Variants in FERMT3 observed in about 807,000 individuals in gnomAD.
FERMT3 encodes the protein fermitin family homolog 3.
Under a neutral mutation model 80.8 loss-of-function variants are expected in FERMT3, and 33 were observed. The ratio of observed to expected loss-of-function variants is 0.41; its 90% CI spans 0.31 to 0.55. The LOEUF (loss-of-function observed/expected upper bound fraction) is 0.55. Ranked by LOEUF, FERMT3 falls within the 20% of genes least tolerant of loss-of-function variation. The pLI, the probability that FERMT3 is intolerant of heterozygous loss-of-function variation, is 0.31. For synonymous variants in FERMT3, 375 were observed against 372.2 expected (o/e 1.01, Z -0.09); for missense variants, 754 against 908.7 (o/e 0.83, Z 2.19).
At chr11:64,220,833 C>G in intron 12 of FERMT3, 164 bp downstream of exon 12, 2 of 1,312,690 alleles carry the variant, frequency 1.5e-6, no homozygotes, top group Non-Finnish European at 2.1e-6. Context: ...GGAGGAGTCA[C>G]GGTCCAGGTG....
At chr11:64,212,643 C>G (rs1231350158) in intron 6 of FERMT3, among the ~76,000 whole-genome samples, 1 of 152,054 alleles carries the variant, frequency 6.6e-6, no homozygotes, top group East Asian at 1.9e-4. Context: ...CTCCTGTACA[C>G]TTGCTTGGGG....
chr11:64,207,511 T>C lies in FERMT3; in HGVS notation c.147T>C (p.Ile49=). 6.2e-7 allele frequency: 1 copy of C among 1,611,214 alleles called. No homozygotes were observed. Among genetic ancestry groups the C allele is most frequent in the Non-Finnish European group, 8.5e-7 (1 of 1,178,260 alleles). The change falls in exon 2 of 15, where the codon ATT becomes ATC. Residue 49 remains isoleucine, a synonymous_variant. Coordinates refer to ENST00000345728, the MANE Select transcript of FERMT3 (RefSeq NM_031471.6). The part of the protein sequence containing the change: ...ESHIGGVLLK[I]VEQINRKQDW... ...ACATCGGCGGGGTGCTCCTGAAGAT[T>C]GTGGAGCAGATCAGTGAGTGTCCGC...
Position 64,219,819 on chromosome 11 carries a change from G to T in FERMT3, c.1079+30G>T. ...GTTGGGGGCCAGAGTAGGCAGCCCT[G>T]CTGGAGGGGTTGGTCTGCATATGGA... On this transcript the variant is annotated intron_variant, in intron 9 of 14. Coordinates refer to ENST00000345728, the MANE Select transcript of FERMT3 (RefSeq NM_031471.6). The surrounding 1 kb of genome is among the most constrained non-coding windows in gnomAD (Gnocchi z 4.0). 6.2e-7 allele frequency: 1 copy of T among 1,614,044 alleles called. No homozygotes were observed. Among genetic ancestry groups the T allele is most frequent in the Non-Finnish European group, 8.5e-7 (1 of 1,180,026 alleles).
intron 6 of FERMT3, among the ~76,000 whole-genome samples, chr11:64,212,338 C>T (rs1946460733): frequency 6.6e-6 from 1 of 152,262 alleles, no homozygotes; most frequent in Admixed American, 6.5e-5. Context: ...GTAGGCCCCA[C>T]CTCTCTGCCC....
At chr11:64,217,306 T>G (rs939691658) in intron 6 of FERMT3, among the ~76,000 whole-genome samples, 2 of 152,182 alleles carry the variant, frequency 1.3e-5, no homozygotes, top group Non-Finnish European at 2.9e-5. Context: ...TCCCAGCACT[T>G]TGGGAGGCCA....
chr11:64,220,786 G>A, intron 12 of FERMT3, 117 bp downstream of exon 12: 1 of 1,272,368 alleles, frequency 7.9e-7, no homozygotes. Context: ...TTCTCCCACT[G>A]TGTCCCTGAG....
intron 2 of FERMT3, among the ~76,000 whole-genome samples, chr11:64,209,705 G>A (rs781116734): frequency 1.4e-4 from 22 of 152,308 alleles, no homozygotes; most frequent in Non-Finnish European, 2.6e-4. Flanking sequence ...ATGTGCAGCA[G>A]TGGGGTTGGG....
At chr11:64,221,812 AGC>A (rs1176071402) in intron 13 of FERMT3, among the ~76,000 whole-genome samples, 53 of 152,118 alleles carry the variant, frequency 3.5e-4, no homozygotes, top group African/African-American at 1.3e-3. Flanking sequence ...CTGTAGTCCC[AGC>A]TACTCAGGAG....
chr11:64,212,501 G>A (rs1946464251), intron 6 of FERMT3, among the ~76,000 whole-genome samples: 1 of 152,184 alleles, frequency 6.6e-6, no homozygotes, highest in Non-Finnish European at 1.5e-5. Context: ...CGTGAGAAGT[G>A]CACCTGCTGA....
chr11:64,219,618 T>C lies in FERMT3; in HGVS notation c.989T>C (p.Leu330Pro), dbSNP rs1350694647. ...LDDLDVALSNLEVKLEGSAPT... is the reference protein window; with the variant it reads ...LDDLDVALSNPEVKLEGSAPT... The stretch of plus-strand genomic sequence containing the variant: ...GACCTGGATGTGGCCCTGAGCAACC[T>C]GGAGGTGAAGCTGGAGGGGTCGGCG... The change falls in exon 8 of 15, where the codon CTG becomes CCG. Residue 330 changes from leucine to proline, a missense_variant. Coordinates refer to ENST00000345728, the MANE Select transcript of FERMT3 (RefSeq NM_031471.6). This position sits in a 1 kb window ranked among gnomAD's most constrained non-coding sequence, Gnocchi z 4.0. The C allele has an allele frequency of 6.2e-7, 1 of 1,612,900 alleles. No homozygotes were observed. The highest frequency in any genetic ancestry group is 8.5e-7 in the Non-Finnish European group (1 of 1,179,926).
Position 64,211,235 on chromosome 11 carries a change from C to G in FERMT3, c.515-40C>G, listed in dbSNP as rs1391634855. ...AGGGGCCGGCCCGTGAGTCCCAGCC[C>G]TGGGGGACAGGCCTGGTTGACTCCC... On this transcript the variant is annotated intron_variant, in intron 4 of 14. Transcript: ENST00000345728. The surrounding 1 kb of genome is among the most constrained non-coding windows in gnomAD (Gnocchi z 4.7). 6.2e-7 allele frequency: 1 copy of G among 1,611,526 alleles called. No homozygotes were observed. Among genetic ancestry groups the G allele is most frequent in the Admixed American group, 1.7e-5 (1 of 59,886 alleles).
intron 1 of FERMT3, 47 bp from the exon 2 acceptor site, chr11:64,207,304 G>A: frequency 6.2e-7 from 1 of 1,612,218 alleles, no homozygotes; most frequent in Non-Finnish European, 8.5e-7. Flanking sequence ...CAAACCCGGA[G>A]GCCTACCAGG....
rs756847936 is a variant in FERMT3, at chr11:64,220,210, C to T, written c.1205-10C>T. The T allele has an allele frequency of 1.2e-6, 2 of 1,613,504 alleles. No individual in the cohort carries two copies. Among genetic ancestry groups the T allele is most frequent in the Middle Eastern group, 1.6e-4 (1 of 6,062 alleles). ...CCCGACCTCCTAGACCACCCCTTCT[C>T]TCCCTCCAGGCTGTGAGGTGGTTCC... On this transcript the variant is annotated splice_polypyrimidine_tract_variant and intron_variant, in intron 10 of 14. Coordinates refer to ENST00000345728, the MANE Select transcript of FERMT3 (RefSeq NM_031471.6).
At chr11:64,220,775 C>G in intron 12 of FERMT3, 106 bp downstream of exon 12, 2 of 1,282,396 alleles carry the variant, frequency 1.6e-6, no homozygotes, top group Admixed American at 2.0e-5. Context: ...ACTCACTGGG[C>G]TTCTCCCACT....
rs2134884288 is a variant in FERMT3 at position 64,220,213 on chromosome 11, C to T, written c.1205-7C>T. The T allele has an allele frequency of 6.2e-7, 1 of 1,613,448 alleles. No individual in the cohort carries two copies. Among genetic ancestry groups the T allele is most frequent in the African/African-American group, 1.3e-5 (1 of 75,054 alleles). On this transcript the variant is annotated splice_polypyrimidine_tract_variant and splice_region_variant and intron_variant, in intron 10 of 14. Coordinates refer to ENST00000345728, the MANE Select transcript of FERMT3 (RefSeq NM_031471.6). ...GACCTCCTAGACCACCCCTTCTCTC[C>T]CTCCAGGCTGTGAGGTGGTTCCCGA...
At position 64,223,891 on chromosome 11, in the gene FERMT3, C is replaced by T. The variant is rs376245317; in HGVS notation, c.*399C>T. 167 of 1,605,286 alleles carry T rather than the reference C, an allele frequency of 1.0e-4. No individual in the cohort carries two copies. The highest frequency in any genetic ancestry group is 7.4e-5 in the Non-Finnish European group (87 of 1,175,218). ...AATTAATATTTTATTGTTGGATCCT[C>T]CTCCTTTCTCTGGAGCTGTGCTTGG... is the stretch of plus-strand genomic sequence containing the variant. On this transcript the variant is annotated 3_prime_UTR_variant, in exon 15 of 15. Transcript: ENST00000345728.
At chr11:64,218,107 C>G (rs192192919) in intron 6 of FERMT3, among the ~76,000 whole-genome samples, 4 of 151,778 alleles carry the variant, frequency 2.6e-5, no homozygotes, top group African/African-American at 9.7e-5. Context: ...GGGTTCACGC[C>G]GTTCTCCTGC....
rs1946785826 is a variant in FERMT3 at position 64,223,832 on chromosome 11, C to G, written c.*340C>G. On this transcript the variant is annotated 3_prime_UTR_variant, in exon 15 of 15. Coordinates refer to ENST00000345728, the MANE Select transcript of FERMT3 (RefSeq NM_031471.6). ...GATGAAACATGGTTTCAAACGAGTTCTTTCTTGTTACTTTTTAAAATTTCT... is the reference window on the plus strand; with the variant it reads ...GATGAAACATGGTTTCAAACGAGTTGTTTCTTGTTACTTTTTAAAATTTCT... 5 of 1,352,536 alleles carry G rather than the reference C, an allele frequency of 3.7e-6. No homozygotes were observed. In the East Asian group the frequency reaches 1.3e-4, roughly 34 times the overall value. 83.8% of individuals were successfully genotyped at this position (1,352,536 alleles called of 1,614,324 possible).
In FERMT3 at chr11:64,211,435, C is replaced by T; in HGVS notation, c.675C>T (p.Leu225=). 6.3e-7 allele frequency: 1 copy of T among 1,592,126 alleles called. No individual in the cohort carries two copies. The highest frequency in any genetic ancestry group is 2.3e-5 in the East Asian group (1 of 43,836). The change falls in exon 5 of 15, where the codon CTC becomes CTT. Residue 225 remains leucine, a synonymous_variant. Coordinates refer to ENST00000345728, the MANE Select transcript of FERMT3 (RefSeq NM_031471.6). This position sits in a 1 kb window ranked among gnomAD's most constrained non-coding sequence, Gnocchi z 4.7. The stretch of plus-strand genomic sequence containing the variant: ...GCTCCCTGTCAGACAAGACCCAGCT[C>T]CACAGCAGGTGCACCCAGGAGCCAC... ...RPSSLSDKTQ[L]HSRWLDSSRC...
Sources: allele counts gnomAD v4.1 joint callset (sites outside exome capture counted in the v4.1 genomes callset), GRCh38; gene constraint gnomAD v4.1.1; non-coding constraint Gnocchi (gnomAD v3.1); transcripts MANE v1.5; gene names NCBI Gene and HGNC (gene_info 2026-07-23, HGNC 2026-07-21).